Variants in DDAH1 observed in about 807,000 individuals in gnomAD.
DDAH1 encodes N(G),N(G)-dimethylarginine dimethylaminohydrolase 1.
In DDAH1, 19 loss-of-function variants were observed where a neutral mutation model predicts 28.8. The observed-to-expected ratio is 0.66, with a 90% CI of 0.46 to 0.97. DDAH1 has a LOEUF of 0.97. Among genes scored for constraint, DDAH1 ranks in the 50% least tolerant of loss-of-function variants. The pLI, the probability that DDAH1 is intolerant of heterozygous loss-of-function variation, is 0.00. For synonymous variants in DDAH1, 153 were observed against 154.4 expected, an observed-to-expected ratio of 0.99 and a Z score of 0.07; for missense variants, 326 against 375.9, an observed-to-expected ratio of 0.87 and a Z score of 1.10.
At chr1:85,442,032 CTT>C in intron 1 of DDAH1, among the ~76,000 whole-genome samples, 1 of 146,838 alleles carries the variant, frequency 6.8e-6, no homozygotes, top group South Asian at 2.2e-4. Context: ...AAGCCACAAA[CTT>C]TTTTTTTTTA....
chr1:85,421,138 G>C (rs1653124601), intron 1 of DDAH1, among the ~76,000 whole-genome samples: 1 of 152,032 alleles, frequency 6.6e-6, no homozygotes, highest in African/African-American at 2.4e-5. Flanking sequence ...ACCATTCATG[G>C]GAAAATTGAC....
At chr1:85,503,435 AG>A (rs1166250691) in intron 1 of DDAH1, among the ~76,000 whole-genome samples, 3 of 152,168 alleles carry the variant, frequency 2.0e-5, no homozygotes, top group Admixed American at 2.0e-4. Context: ...TCCTGACCTC[AG>A]GTGATCCACC....
chr1:85,346,857 A>C (rs1481022767), intron 4 of DDAH1, among the ~76,000 whole-genome samples: 1 of 152,192 alleles, frequency 6.6e-6, no homozygotes, highest in Non-Finnish European at 1.5e-5. Context: ...AATTTTTGCA[A>C]TCTACTCATC....
intron 1 of DDAH1, among the ~76,000 whole-genome samples, chr1:85,522,634 C>T (rs1415752934): frequency 2.6e-5 from 4 of 152,046 alleles, no homozygotes; most frequent in African/African-American, 4.8e-5. Context: ...ATTTTTTTTC[C>T]AGCCACACAT....
At chr1:85,557,244 T>G (rs991056297) in intron 1 of DDAH1, among the ~76,000 whole-genome samples, 7 of 152,210 alleles carry the variant, frequency 4.6e-5, no homozygotes, top group Non-Finnish European at 7.3e-5. Context: ...ATATCTCCTG[T>G]GTTAAGTACA....
At chr1:85,348,683 T>C (rs1649013386) in intron 4 of DDAH1, among the ~76,000 whole-genome samples, 3 of 152,256 alleles carry the variant, frequency 2.0e-5, no homozygotes, top group Non-Finnish European at 2.9e-5. Context: ...TCTCTGAATA[T>C]CTAGGCCTCA....
At chr1:85,466,613 TAAC>T (rs1435522015), upstream of DDAH1, among the ~76,000 whole-genome samples, 2 of 151,968 alleles carry the variant, frequency 1.3e-5, no homozygotes, top group East Asian at 3.9e-4. Context: ...AAAAGTAAAA[TAAC>T]AAACCTTTAA....
Position 85,321,525 on chromosome 1 carries a change from A to T in DDAH1, c.785T>A (p.Met262Lys), listed in dbSNP as rs1661344232. 2 of 1,614,100 alleles carry T rather than the reference A, an allele frequency of 1.2e-6. No individual in the cohort carries two copies. Among genetic ancestry groups the T allele is most frequent in the African/African-American group, 1.3e-5 (1 of 74,948 alleles). ...LKDHMLIPVS[M>K]SELEKVDGLL... ...CCCATCCACCTTTTCCAGTTCAGACATGCTCACGGGGATCAGCATATGGTC... is the reference window on the plus strand; with the variant it reads ...CCCATCCACCTTTTCCAGTTCAGACTTGCTCACGGGGATCAGCATATGGTC... The change falls in exon 6 of 6, where the codon ATG becomes AAG. Residue 262 changes from methionine to lysine, a missense_variant. Coordinates refer to ENST00000284031, the MANE Select transcript of DDAH1 (RefSeq NM_012137.4).
At chr1:85,343,840 A>G (rs902268493) in intron 4 of DDAH1, among the ~76,000 whole-genome samples, 2 of 152,242 alleles carry the variant, frequency 1.3e-5, no homozygotes, top group African/African-American at 4.8e-5. Context: ...AATAACATGG[A>G]CATTTTTGGA....
exon 1 of DDAH1, chr1:85,578,116 G>T: frequency 4.1e-6 from 2 of 492,818 alleles, no homozygotes; most frequent in Non-Finnish European, 5.3e-6. Context: ...AGGAGCCGCT[G>T]TTTCTCTTGC....
intron 4 of DDAH1, among the ~76,000 whole-genome samples, chr1:85,327,057 TGG>T (rs1398743425): frequency 1.3e-5 from 2 of 152,372 alleles, no homozygotes; most frequent in African/African-American, 4.8e-5. Context: ...ATTTTCTTTT[TGG>T]CTGCTTCCAA....
At chr1:85,556,934 T>A (rs1007923641) in intron 1 of DDAH1, among the ~76,000 whole-genome samples, 2 of 152,186 alleles carry the variant, frequency 1.3e-5, no homozygotes, top group Non-Finnish European at 2.9e-5. Flanking sequence ...CTGGCCAACA[T>A]GGTGAAATCC....
At chr1:85,530,343 G>A (rs1323911077) in intron 1 of DDAH1, among the ~76,000 whole-genome samples, 24 of 152,158 alleles carry the variant, frequency 1.6e-4, no homozygotes, top group East Asian at 1.2e-3. Flanking sequence ...GGCACTTGCC[G>A]TCACTGTCCT....
At chr1:85,505,725 A>C (rs1242838262) in intron 1 of DDAH1, among the ~76,000 whole-genome samples, 1 of 152,256 alleles carries the variant, frequency 6.6e-6, no homozygotes, top group Non-Finnish European at 1.5e-5. Flanking sequence ...TTAAAGGGTC[A>C]GAAAGAATCC....
At chr1:85,452,289 C>A (rs2100672290) in intron 1 of DDAH1, among the ~76,000 whole-genome samples, 1 of 152,016 alleles carries the variant, frequency 6.6e-6, no homozygotes, top group East Asian at 1.9e-4. Context: ...TTTTGGTCTC[C>A]TAGATAAGTA....
intron 1 of DDAH1, among the ~76,000 whole-genome samples, chr1:85,552,874 C>T (rs567569027): frequency 3.3e-5 from 5 of 152,060 alleles, no homozygotes; most frequent in East Asian, 1.9e-4. Flanking sequence ...TAGGTAGCCT[C>T]GCATCAAGAA....
At chr1:85,548,770 T>C (rs952340739) in intron 1 of DDAH1, among the ~76,000 whole-genome samples, 1 of 152,122 alleles carries the variant, frequency 6.6e-6, no homozygotes, top group Non-Finnish European at 1.5e-5. Context: ...AGGAACACCA[T>C]AAACTAAAAG....
intron 1 of DDAH1, among the ~76,000 whole-genome samples, chr1:85,525,276 C>T (rs1570641457): frequency 6.6e-6 from 1 of 151,978 alleles, no homozygotes; most frequent in East Asian, 1.9e-4. Flanking sequence ...TAAAGAAAAC[C>T]TTTCTTTCAT....
At chr1:85,432,368 G>A (rs1396879126) in intron 1 of DDAH1, among the ~76,000 whole-genome samples, 1 of 152,142 alleles carries the variant, frequency 6.6e-6, no homozygotes, top group Non-Finnish European at 1.5e-5. Flanking sequence ...CCCTCCCAAA[G>A]CTATGATTCT....
Sources: gnomAD v4.1 joint callset for allele counts (sites outside exome capture counted in the v4.1 genomes callset) on GRCh38, gnomAD v4.1.1 for gene constraint, MANE v1.5 for transcripts, NCBI Gene and HGNC (gene_info 2026-07-23, HGNC 2026-07-21) for gene names.